Variants in SPTSSA observed in about 807,000 individuals in gnomAD.
The protein encoded by SPTSSA is small subunit of serine palmitoyltransferase A.
In SPTSSA, 8 loss-of-function variants were observed where a neutral mutation model predicts 9.1. That is an observed-to-expected ratio of 0.88 (90% CI 0.51 to 1.58). The LOEUF is 1.58. Among genes scored for constraint, SPTSSA ranks in the 40% most tolerant of loss-of-function variants. SPTSSA has a pLI of 0.00. For synonymous variants in SPTSSA, 42 were observed against 37.7 expected (o/e 1.11, Z -0.41); for missense variants, 100 against 93.8 (o/e 1.07, Z -0.27).
intron 1 of SPTSSA, among the ~76,000 whole-genome samples, chr14:34,449,067 A>G (rs571030339): frequency 2.0e-5 from 3 of 152,280 alleles, no homozygotes; most frequent in South Asian, 2.1e-4. Flanking sequence ...GAACAAGCAC[A>G]TAACAGGACA....
chr14:34,435,623 CTT>C (rs769896697), intron 1 of SPTSSA, among the ~76,000 whole-genome samples: 1,102 of 92,410 alleles, frequency 0.012, 11 homozygotes, highest in Middle Eastern at 0.043. Flanking sequence ...GTTTGTTTCT[CTT>C]TTTTTTTTTT....
chr14:34,455,714 G>A (rs1034387474), intron 1 of SPTSSA, among the ~76,000 whole-genome samples: 1 of 151,418 alleles, frequency 6.6e-6, no homozygotes, highest in African/African-American at 2.4e-5. Flanking sequence ...AGAGGATCAC[G>A]TGAGGTCAGG....
intron 1 of SPTSSA, among the ~76,000 whole-genome samples, chr14:34,456,905 A>G (rs1469015006): frequency 6.7e-6 from 1 of 149,946 alleles, no homozygotes; most frequent in Non-Finnish European, 1.5e-5. Flanking sequence ...TCTCAAAAAA[A>G]AAAAGAAAAG....
chr14:34,449,940 T>G (rs1320834236), intron 1 of SPTSSA, among the ~76,000 whole-genome samples: 2 of 152,140 alleles, frequency 1.3e-5, no homozygotes, highest in Non-Finnish European at 2.9e-5. Flanking sequence ...CTCTCAAAAT[T>G]TAAAGTACCC....
intron 1 of SPTSSA, among the ~76,000 whole-genome samples, chr14:34,441,993 A>G (rs537521810): frequency 1.3e-5 from 2 of 152,230 alleles, no homozygotes; most frequent in African/African-American, 4.8e-5. Context: ...CTCCTGCCTC[A>G]GCCTCCAGAG....
At chr14:34,447,967 C>T (rs768593541) in intron 1 of SPTSSA, among the ~76,000 whole-genome samples, 1 of 152,106 alleles carries the variant, frequency 6.6e-6, no homozygotes, top group Non-Finnish European at 1.5e-5. Context: ...AAGAAGCTAC[C>T]CTGCTGGCAG....
chr14:34,461,856 TG>T (rs1878623736), intron 1 of SPTSSA, among the ~76,000 whole-genome samples: 1 of 152,116 alleles, frequency 6.6e-6, no homozygotes. Flanking sequence ...GCTTCCCCCT[TG>T]GGTCCAGCGA....
At chr14:34,445,079 G>A (rs144056626) in intron 1 of SPTSSA, among the ~76,000 whole-genome samples, 1 of 151,640 alleles carries the variant, frequency 6.6e-6, no homozygotes, top group African/African-American at 2.4e-5. Context: ...AACAGAGCCA[G>A]GCTCCATCTA....
chr14:34,441,537 G>A (rs527277465), intron 1 of SPTSSA, among the ~76,000 whole-genome samples: 9 of 152,290 alleles, frequency 5.9e-5, no homozygotes, highest in African/African-American at 2.2e-4. Context: ...ATAACGCCAA[G>A]AACCTGGACA....
intron 1 of SPTSSA, among the ~76,000 whole-genome samples, chr14:34,442,168 G>A (rs905482276): frequency 2.6e-5 from 4 of 152,282 alleles, no homozygotes; most frequent in South Asian, 4.1e-4. Context: ...GAGCCACCTC[G>A]TGAGGCCTCA....
chr14:34,461,555 G>C (rs1391105925), intron 1 of SPTSSA, among the ~76,000 whole-genome samples: 2 of 152,172 alleles, frequency 1.3e-5, no homozygotes, highest in African/African-American at 4.8e-5. Context: ...AGACCAAAAA[G>C]ATACAATAAC....
chr14:34,441,983 C>T (rs1196492010), intron 1 of SPTSSA, among the ~76,000 whole-genome samples: 1 of 152,194 alleles, frequency 6.6e-6, no homozygotes, highest in East Asian at 1.9e-4. Flanking sequence ...TCAAGCAGTT[C>T]TCCTGCCTCA....
At chr14:34,459,688 G>A (rs1298698266) in intron 1 of SPTSSA, among the ~76,000 whole-genome samples, 1 of 151,872 alleles carries the variant, frequency 6.6e-6, no homozygotes, top group East Asian at 1.9e-4. Flanking sequence ...GGCTGAGGCA[G>A]GAGAATCGCT....
At chr14:34,449,842 C>G (rs1883488592) in intron 1 of SPTSSA, among the ~76,000 whole-genome samples, 1 of 152,176 alleles carries the variant, frequency 6.6e-6, no homozygotes, top group African/African-American at 2.4e-5. Context: ...AGTGCTCTCA[C>G]AAAGCTAAAC....
intron 1 of SPTSSA, among the ~76,000 whole-genome samples, chr14:34,455,912 A>G (rs1232048139): frequency 6.6e-6 from 1 of 151,504 alleles, no homozygotes; most frequent in East Asian, 1.9e-4. Context: ...AGCCTGGGCA[A>G]CAGAACAAGA....
chr14:34,455,633 C>CA (rs1182250700), intron 1 of SPTSSA, among the ~76,000 whole-genome samples: 2 of 151,700 alleles, frequency 1.3e-5, no homozygotes, highest in Non-Finnish European at 2.9e-5. Context: ...TATTGAGATG[C>CA]AAAAAAAGTC....
intron 1 of SPTSSA, among the ~76,000 whole-genome samples, chr14:34,443,171 G>GTGTGTGTGTGTGTGTGT (rs775781106): frequency 1.6e-5 from 1 of 62,094 alleles, no homozygotes; most frequent in African/African-American, 1.6e-4. Context: ...GTGTGTGTGT[G>GTGTGTGTGTGTGTGTGT]TTTTGAGATT....
intron 1 of SPTSSA, 42 bp downstream of exon 1, chr14:34,462,054 G>C: frequency 8.0e-7 from 1 of 1,256,070 alleles, no homozygotes; most frequent in South Asian, 2.2e-5. Flanking sequence ...CGCGGCCCGC[G>C]CCCCCAGCCC....
At chr14:34,441,744 C>G (rs1001731821) in intron 1 of SPTSSA, among the ~76,000 whole-genome samples, 1 of 152,178 alleles carries the variant, frequency 6.6e-6, no homozygotes, top group Non-Finnish European at 1.5e-5. Flanking sequence ...CTGCAGGTTT[C>G]TGGCCATGGC....
Sources: gnomAD v4.1 joint callset for allele counts (sites outside exome capture counted in the v4.1 genomes callset) on GRCh38, gnomAD v4.1.1 for gene constraint, MANE v1.5 for transcripts, NCBI Gene and HGNC (gene_info 2026-07-23, HGNC 2026-07-21) for gene names.